Variants in GEMIN8 observed in about 807,000 individuals in gnomAD.
The protein encoded by GEMIN8 is gem-associated protein 8.
For synonymous variants in GEMIN8, 80 were observed against 78.5 expected (o/e 1.02, Z -0.10); for missense variants, 185 against 205.9 (o/e 0.90, Z 0.62).
chrX:14,005,868 C>A (rs933970082), downstream of GEMIN8, among the ~76,000 whole-genome samples: 2 of 110,940 alleles, frequency 1.8e-5, no homozygotes, highest in Non-Finnish European at 3.8e-5. Flanking sequence ...CAGAAGTGCT[C>A]TCTGTTGTAT....
chrX:14,014,090 C>A (rs757358441), intron 4 of GEMIN8: 876 of 745,718 alleles, frequency 1.2e-3, no homozygotes, highest in Non-Finnish European at 1.3e-3. Flanking sequence ...AACTTTCATC[C>A]AAGATTATTC....
At chrX:14,011,947 C>A (rs1923580773) in intron 4 of GEMIN8, among the ~76,000 whole-genome samples, 1 of 111,073 alleles carries the variant, frequency 9.0e-6, no homozygotes, top group African/African-American at 3.3e-5. Context: ...TAACACAAAG[C>A]AACCCCAGTT....
chrX:13,989,026 G>A, the GEMIN8 span, among the ~76,000 whole-genome samples: 3 of 110,032 alleles, frequency 2.7e-5, no homozygotes, highest in Non-Finnish European at 5.7e-5. Flanking sequence ...AATGCAAATT[G>A]TTATAGTTTG....
the GEMIN8 span, among the ~76,000 whole-genome samples, chrX:13,996,807 A>G: frequency 1.8e-5 from 2 of 111,538 alleles, no homozygotes; most frequent in South Asian, 7.5e-4. Context: ...CTTCCCATCA[A>G]GAGGTGGAGC....
downstream of GEMIN8, among the ~76,000 whole-genome samples, chrX:14,003,222 T>C (rs1366946322): frequency 8.9e-6 from 1 of 112,759 alleles, no homozygotes; most frequent in Non-Finnish European, 1.9e-5. Flanking sequence ...TCAGCTCCTG[T>C]GCTTTGAAGA....
chrX:14,024,474 G>C (rs1924564679), intron 2 of GEMIN8, among the ~76,000 whole-genome samples: 1 of 110,675 alleles, frequency 9.0e-6, no homozygotes, highest in Admixed American at 9.5e-5. Context: ...ACTCCAGCCT[G>C]AGTGACAGAG....
At chrX:14,001,132 A>G in the GEMIN8 span, among the ~76,000 whole-genome samples, 1 of 112,157 alleles carries the variant, frequency 8.9e-6, no homozygotes, top group Non-Finnish European at 1.9e-5. Flanking sequence ...AGAGAATAGC[A>G]TACTGCATCT....
intron 4 of GEMIN8, among the ~76,000 whole-genome samples, chrX:14,015,619 G>A (rs564049039): frequency 8.9e-6 from 1 of 112,413 alleles, no homozygotes; most frequent in East Asian, 2.8e-4. Context: ...AGACTCAGGC[G>A]ATGATGAATT....
the GEMIN8 span, among the ~76,000 whole-genome samples, chrX:13,998,610 T>A: frequency 1.8e-5 from 2 of 111,368 alleles, no homozygotes; most frequent in Admixed American, 9.6e-5. Context: ...CTCAGGTATG[T>A]CCTTATAGCA....
chrX:14,013,079 C>T lies in GEMIN8; in HGVS notation c.473-3910G>A, dbSNP rs768129235. ...GTACTGACTTAGGGGACCAAGTAAACCTCAGAATGGAGTATCAGAGTTTGA... is the reference window on the plus strand; with the variant it reads ...GTACTGACTTAGGGGACCAAGTAAATCTCAGAATGGAGTATCAGAGTTTGA... On this transcript the variant is annotated intron_variant, in intron 4 of 4. Transcript: ENST00000680255. Among the ~76,000 whole-genome samples the T allele has an allele frequency of 2.7e-5, 3 of 112,494 alleles. No homozygotes were observed. In the Admixed American group the frequency reaches 2.8e-4, roughly 11 times the overall value.
chrX:14,003,526 T>A (rs1040978845), downstream of GEMIN8, among the ~76,000 whole-genome samples: 19 of 112,658 alleles, frequency 1.7e-4, no homozygotes, highest in Admixed American at 4.7e-4. Context: ...ACCTTAATGA[T>A]TTGATGACAA....
chrX:14,029,521 TAA>T (rs1419368938), intron 1 of GEMIN8: 6 of 112,130 alleles, frequency 5.4e-5, no homozygotes, highest in African/African-American at 1.9e-4. Context: ...TCAGAATTCT[TAA>T]AGAGTCGTCC....
chrX:13,994,505 G>A, the GEMIN8 span, among the ~76,000 whole-genome samples: 2 of 112,566 alleles, frequency 1.8e-5, no homozygotes, highest in Non-Finnish European at 3.7e-5. Flanking sequence ...ACTACATAAT[G>A]TTTGGTGTAA....
rs749171378 is a variant in GEMIN8 at position 14,008,877 on chromosome X, GGAA to G, written c.*33_*35del. On this transcript the variant is annotated 3_prime_UTR_variant, in exon 5 of 5. Transcript: ENST00000680255. Reference sequence around the variant, plus strand: ...AGAGATAAAGAGCGTGTACCCAAAAGGAAGAAGGAGAGGCTGGGTACCCTGTGC... The same window carrying G: ...AGAGATAAAGAGCGTGTACCCAAAAGGAAGGAGAGGCTGGGTACCCTGTGC... 64 of 1,177,089 alleles carry G rather than the reference GGAA, an allele frequency of 5.4e-5. No individual in the cohort carries two copies. The highest frequency in any genetic ancestry group is 4.7e-4 in the Middle Eastern group (2 of 4,227).
the GEMIN8 span, among the ~76,000 whole-genome samples, chrX:13,999,539 G>A: frequency 4.5e-5 from 5 of 111,535 alleles, no homozygotes; most frequent in African/African-American, 1.3e-4. Flanking sequence ...GCCTCCCAAA[G>A]TGCTGGGATT....
chrX:14,021,824 A>AC (rs1321106100), intron 2 of GEMIN8, among the ~76,000 whole-genome samples: 26 of 49,470 alleles, frequency 5.3e-4, no homozygotes, highest in East Asian at 6.8e-4. Flanking sequence ...GTATATATAT[A>AC]TATATATATA....
At chrX:14,026,821 G>T (rs1924722800) in intron 1 of GEMIN8, among the ~76,000 whole-genome samples, 1 of 112,479 alleles carries the variant, frequency 8.9e-6, no homozygotes, top group African/African-American at 3.2e-5. Flanking sequence ...TTTTCTACTA[G>T]AATTCTAAAA....
intron 4 of GEMIN8, among the ~76,000 whole-genome samples, chrX:14,017,013 T>C (rs770275898): frequency 1.0e-4 from 11 of 108,145 alleles, no homozygotes; most frequent in Non-Finnish European, 2.1e-4. Context: ...TAACATTTAT[T>C]GGGCACCAAC....
At chrX:13,988,572 A>G in the GEMIN8 span, 1 of 107,413 alleles carries the variant, frequency 9.3e-6, no homozygotes, top group South Asian at 4.3e-4. Context: ...TTGCCCTTGT[A>G]TCCCCAACAC....
Sources: allele counts gnomAD v4.1 joint callset (sites outside exome capture counted in the v4.1 genomes callset), GRCh38; gene constraint gnomAD v4.1.1; transcripts MANE v1.5; gene names NCBI Gene and HGNC (gene_info 2026-07-23, HGNC 2026-07-21).